SLC24A3: variants seen among roughly 807,000 people sequenced by gnomAD.
SLC24A3 encodes the protein solute carrier family 24 member 3, also known as sodium/potassium/calcium exchanger 3.
Under a neutral mutation model 75.8 loss-of-function variants are expected in SLC24A3, and 28 were observed. That is an observed-to-expected ratio of 0.37 (90% confidence interval 0.27 to 0.51). The LOEUF is 0.51. Among genes scored for constraint, SLC24A3 ranks in the 20% least tolerant of loss-of-function variants. The probability of loss-of-function intolerance (pLI) is 0.94; values close to 1 mark genes in which losing one functional copy is unlikely to be tolerated. For synonymous variants in SLC24A3, 372 were observed against 334.1 expected, an observed-to-expected ratio of 1.11 and a Z score of -1.24; for missense variants, 663 against 847.8, an observed-to-expected ratio of 0.78 and a Z score of 2.71.
At chr20:19,225,563 AC>A (rs1981848001) in intron 1 of SLC24A3, among the ~76,000 whole-genome samples, 1 of 151,980 alleles carries the variant, frequency 6.6e-6, no homozygotes, top group Non-Finnish European at 1.5e-5. Flanking sequence ...ACAATATATC[AC>A]CCCAAAAACC....
chr20:19,439,442 A>C (rs1018194570), intron 2 of SLC24A3, among the ~76,000 whole-genome samples: 13 of 152,234 alleles, frequency 8.5e-5, no homozygotes, highest in Non-Finnish European at 1.8e-4. Context: ...TCGCCAAAAA[A>C]CAAAACAAAA....
At chr20:19,711,555 C>T (rs114940466) in intron 15 of SLC24A3, among the ~76,000 whole-genome samples, 1,813 of 152,302 alleles carry the variant, frequency 0.012, 35 homozygotes, top group African/African-American at 0.041. Context: ...TGCAAACATG[C>T]AGGCAAACGC....
intron 2 of SLC24A3, among the ~76,000 whole-genome samples, chr20:19,479,097 C>T (rs1056482341): frequency 2.0e-5 from 3 of 152,230 alleles, no homozygotes; most frequent in South Asian, 2.1e-4. Flanking sequence ...AGGCCCATGC[C>T]ATGCTCAGTG....
intron 2 of SLC24A3, among the ~76,000 whole-genome samples, chr20:19,508,216 T>C (rs2122549846): frequency 6.6e-6 from 1 of 152,272 alleles, no homozygotes; most frequent in East Asian, 1.9e-4. Context: ...AAACAGAAGC[T>C]TGAAGCCACT....
chr20:19,537,003 A>C (rs1339100544), intron 3 of SLC24A3, among the ~76,000 whole-genome samples: 1 of 152,230 alleles, frequency 6.6e-6, no homozygotes, highest in Non-Finnish European at 1.5e-5. Context: ...AAGCAATGGC[A>C]ACAAAAGCCA....
intron 3 of SLC24A3, among the ~76,000 whole-genome samples, chr20:19,528,898 A>C (rs1050195692): frequency 1.3e-5 from 2 of 152,146 alleles, no homozygotes; most frequent in African/African-American, 4.8e-5. Flanking sequence ...CCTGGACCCA[A>C]GCCCAAATTC....
intron 2 of SLC24A3, among the ~76,000 whole-genome samples, chr20:19,410,562 G>T (rs547609649): frequency 6.6e-6 from 1 of 152,016 alleles, no homozygotes; most frequent in African/African-American, 2.4e-5. Context: ...GAGGAAATAC[G>T]CCTCTTCATC....
chr20:19,385,632 T>C (rs921241537), intron 2 of SLC24A3, among the ~76,000 whole-genome samples: 1 of 150,582 alleles, frequency 6.6e-6, no homozygotes, highest in African/African-American at 2.5e-5. Flanking sequence ...TCATATGAAT[T>C]TTAAAATTGG....
chr20:19,481,141 G>A (rs944347865), intron 2 of SLC24A3, among the ~76,000 whole-genome samples: 4 of 152,170 alleles, frequency 2.6e-5, no homozygotes, highest in Non-Finnish European at 4.4e-5. Flanking sequence ...CTCTGCCCAC[G>A]ATGAGTTTCC....
intron 6 of SLC24A3, among the ~76,000 whole-genome samples, chr20:19,588,887 G>A (rs1167752740): frequency 3.3e-5 from 5 of 152,208 alleles, no homozygotes; most frequent in African/African-American, 1.2e-4. Context: ...TTCATATTCA[G>A]GTTATTACAG....
intron 7 of SLC24A3, among the ~76,000 whole-genome samples, chr20:19,665,212 A>G (rs1317208327): frequency 6.6e-6 from 1 of 152,190 alleles, no homozygotes; most frequent in Non-Finnish European, 1.5e-5. Context: ...GGGCAGGACC[A>G]TGCCCAGGGC....
intron 2 of SLC24A3, among the ~76,000 whole-genome samples, chr20:19,336,906 T>C (rs1265578744): frequency 1.3e-5 from 2 of 152,106 alleles, no homozygotes; most frequent in Admixed American, 1.3e-4. Context: ...ATGGAAATTT[T>C]AAATCCCAGC....
chr20:19,455,938 A>G (rs1987570944), intron 2 of SLC24A3, among the ~76,000 whole-genome samples: 1 of 152,248 alleles, frequency 6.6e-6, no homozygotes, highest in Admixed American at 6.5e-5. Context: ...ATTGTGTACA[A>G]GGAACTGCAC....
At chr20:19,587,875 A>G (rs2031321070) in intron 6 of SLC24A3, among the ~76,000 whole-genome samples, 1 of 152,164 alleles carries the variant, frequency 6.6e-6, no homozygotes, top group African/African-American at 2.4e-5. Flanking sequence ...TCTCAGTTAG[A>G]CACCATTAGC....
chr20:19,293,927 C>A (rs1218569733), intron 2 of SLC24A3, among the ~76,000 whole-genome samples: 1 of 152,078 alleles, frequency 6.6e-6, no homozygotes, highest in Non-Finnish European at 1.5e-5. Flanking sequence ...GGACACCCCC[C>A]CACCTCAGAA....
Position 19,591,305 on chromosome 20 carries a change from G to A in SLC24A3, c.612+5761G>A, listed in dbSNP as rs574664889. 1.2e-4 allele frequency among the ~76,000 whole-genome samples: 19 copies of A among 152,116 alleles called. 1 individual carries two copies. The highest frequency in any genetic ancestry group is 2.1e-4 in the Non-Finnish European group (14 of 67,998). On this transcript the variant is annotated intron_variant, in intron 6 of 16. Transcript: ENST00000328041. ...AGATCCACATCTAGACTAATTAGAA[G>A]CTTTCAGTTTCAGGTAACAACAAAA... is the stretch of plus-strand genomic sequence containing the variant.
At chr20:19,234,531 T>C (rs1410286278) in intron 1 of SLC24A3, among the ~76,000 whole-genome samples, 1 of 152,146 alleles carries the variant, frequency 6.6e-6, no homozygotes, top group African/African-American at 2.4e-5. Context: ...CCTAGCAATA[T>C]TGAGAGAGAA....
chr20:19,528,612 CT>C (rs2030240979), intron 3 of SLC24A3, among the ~76,000 whole-genome samples: 1 of 152,160 alleles, frequency 6.6e-6, no homozygotes, highest in African/African-American at 2.4e-5. Context: ...AGATACCCTG[CT>C]GCTTGCCCAT....
chr20:19,613,540 C>T (rs1371947522), intron 6 of SLC24A3, among the ~76,000 whole-genome samples: 3 of 152,156 alleles, frequency 2.0e-5, no homozygotes, highest in Non-Finnish European at 4.4e-5. Flanking sequence ...TCTGCCAAAA[C>T]AAAATACATC....
Sources: gnomAD v4.1 joint callset for allele counts (sites outside exome capture counted in the v4.1 genomes callset) on GRCh38, gnomAD v4.1.1 for gene constraint, MANE v1.5 for transcripts, NCBI Gene and HGNC (gene_info 2026-07-23, HGNC 2026-07-21) for gene names.